The following MAGI3 variants were observed in gnomAD, a reference collection of about 807,000 sequenced individuals.
MAGI3 encodes the protein membrane associated guanylate kinase, WW and PDZ domain containing 3.
Under a neutral mutation model 121.8 loss-of-function variants are expected in MAGI3, and 43 were observed. That is an observed-to-expected ratio of 0.35 (90% CI 0.28 to 0.46). MAGI3 has a LOEUF of 0.46. Ranked by LOEUF, MAGI3 falls within the 20% of genes least tolerant of loss-of-function variation. MAGI3 has a pLI of 1.00. For synonymous variants in MAGI3, 553 were observed against 639.3 expected (o/e 0.86, Z 2.04); for missense variants, 1,547 against 1,797.3 (o/e 0.86, Z 2.52).
rs566553856 is a variant in MAGI3 at position 113,479,369 on chromosome 1, C to T, written c.317-70146C>T. ...GCTGCAGACCAGAGCTGTTCCTATT[C>T]GGCCATCTTGGAATGCCCCTCCCTT... On this transcript the variant is annotated intron_variant, in intron 1 of 20. Coordinates refer to ENST00000307546, the MANE Select transcript of MAGI3 (RefSeq NM_001142782.2). Among the ~76,000 whole-genome samples, 136 of 152,070 alleles carry T rather than the reference C, an allele frequency of 8.9e-4. 1 individual carries two copies. The highest frequency in any genetic ancestry group is 2.4e-3 in the Admixed American group (37 of 15,284).
intron 6 of MAGI3, among the ~76,000 whole-genome samples, chr1:113,605,638 C>T (rs549819614): frequency 7.9e-5 from 12 of 152,164 alleles, no homozygotes; most frequent in African/African-American, 2.9e-4. Context: ...CATGCTCTGT[C>T]GAACAGGCTG....
At chr1:113,416,221 A>G (rs1185397645) in intron 1 of MAGI3, among the ~76,000 whole-genome samples, 2 of 137,470 alleles carry the variant, frequency 1.5e-5, no homozygotes, top group African/African-American at 5.2e-5. Flanking sequence ...TATTATGTGT[A>G]ATTAATGACA....
At chr1:113,483,893 T>TTGTGTG (rs149847532) in intron 1 of MAGI3, among the ~76,000 whole-genome samples, 2 of 149,504 alleles carry the variant, frequency 1.3e-5, no homozygotes, top group East Asian at 2.0e-4. Flanking sequence ...TCTAATGTGA[T>TTGTGTG]TGTGTGTGTG....
At chr1:113,634,987 T>G (rs1163957779) in intron 9 of MAGI3, among the ~76,000 whole-genome samples, 1 of 152,004 alleles carries the variant, frequency 6.6e-6, no homozygotes, top group South Asian at 2.1e-4. Context: ...TTTATTCTCT[T>G]TGAAGCAATT....
chr1:113,503,154 C>G (rs1230407353), intron 1 of MAGI3, among the ~76,000 whole-genome samples: 2 of 69,980 alleles, frequency 2.9e-5, no homozygotes, highest in Non-Finnish European at 5.0e-5. Context: ...ACCAGCATGG[C>G]ACATGTATAC....
chr1:113,576,291 G>A (rs1372642939), intron 2 of MAGI3, among the ~76,000 whole-genome samples: 1 of 152,212 alleles, frequency 6.6e-6, no homozygotes, highest in African/African-American at 2.4e-5. Flanking sequence ...GAAACCCAGG[G>A]CCCTGGTGGT....
intron 1 of MAGI3, among the ~76,000 whole-genome samples, chr1:113,425,273 ATTTTTTTTTTTTTTT>A (rs949045641): frequency 3.5e-5 from 3 of 86,862 alleles, no homozygotes; most frequent in Non-Finnish European, 6.7e-5. Context: ...TACAAATTCA[ATTTTTTTTTTTTTTT>A]TTTTTTTTTT....
At chr1:113,480,645 A>G (rs1050326009) in intron 1 of MAGI3, among the ~76,000 whole-genome samples, 16 of 152,220 alleles carry the variant, frequency 1.1e-4, no homozygotes, top group African/African-American at 3.9e-4. Flanking sequence ...GTAGGAATGA[A>G]TGATACAGGT....
At chr1:113,517,523 G>T (rs1484472926) in intron 1 of MAGI3, among the ~76,000 whole-genome samples, 1 of 151,928 alleles carries the variant, frequency 6.6e-6, no homozygotes, top group Non-Finnish European at 1.5e-5. Context: ...GCACAAAGGT[G>T]CAAAGTACAT....
intron 7 of MAGI3, among the ~76,000 whole-genome samples, chr1:113,614,989 G>T (rs182134224): frequency 6.6e-6 from 1 of 152,124 alleles, no homozygotes; most frequent in East Asian, 1.9e-4. Context: ...AATTATCAAG[G>T]TCATTTCCAA....
At chr1:113,512,011 C>T (rs1657639779) in intron 1 of MAGI3, among the ~76,000 whole-genome samples, 1 of 152,162 alleles carries the variant, frequency 6.6e-6, no homozygotes, top group Non-Finnish European at 1.5e-5. Flanking sequence ...TTCTTTATTT[C>T]TCTTTAAATG....
intron 2 of MAGI3, among the ~76,000 whole-genome samples, chr1:113,574,851 A>G (rs923462802): frequency 3.3e-5 from 5 of 152,126 alleles, no homozygotes; most frequent in African/African-American, 7.2e-5. Flanking sequence ...GCCTTTTCAC[A>G]TAGTCTCATA....
intron 8 of MAGI3, among the ~76,000 whole-genome samples, chr1:113,621,561 A>G (rs1408676702): frequency 2.6e-5 from 4 of 152,166 alleles, no homozygotes; most frequent in African/African-American, 4.8e-5. Flanking sequence ...GAATGAAAAT[A>G]TGTCCACACA....
intron 1 of MAGI3, among the ~76,000 whole-genome samples, chr1:113,533,926 T>G (rs1456253760): frequency 6.6e-6 from 1 of 152,134 alleles, no homozygotes; most frequent in African/African-American, 2.4e-5. Flanking sequence ...TTCTTTTTAA[T>G]TTTTGAGTTT....
chr1:113,597,548 A>G (rs549137435), intron 6 of MAGI3, among the ~76,000 whole-genome samples: 93 of 152,344 alleles, frequency 6.1e-4, no homozygotes, highest in Non-Finnish European at 9.4e-4. Context: ...AGTCAAGAAG[A>G]ACATGAAGAG....
intron 12 of MAGI3, among the ~76,000 whole-genome samples, chr1:113,647,380 A>ACCC (rs1652911192): frequency 6.6e-6 from 1 of 152,196 alleles, no homozygotes; most frequent in Non-Finnish European, 1.5e-5. Flanking sequence ...TGTGTTTTAG[A>ACCC]AAGGTTTTTC....
At chr1:113,614,711 T>C (rs1650354068) in intron 7 of MAGI3, 53 bp downstream of exon 7, 2 of 1,327,684 alleles carry the variant, frequency 1.5e-6, no homozygotes, top group African/African-American at 1.5e-5. Context: ...TTTCAGCATA[T>C]AGCTTTAGAG....
chr1:113,683,479 C>T lies in MAGI3; in HGVS notation c.3911C>T (p.Ala1304Val). The change falls in exon 21 of 21, where the codon GCT (alanine) becomes GTT (valine). Residue 1304 changes from alanine to valine, a missense_variant. Physicochemically the swap from Ala to Val is moderately conservative, Grantham distance 64. Transcript: ENST00000307546. Reference protein sequence around the residue: ...KIEGSKAPSNAEAKLLEGKSR... With the variant: ...KIEGSKAPSNVEAKLLEGKSR... The stretch of plus-strand genomic sequence containing the variant: ...GAAGGAAGCAAAGCTCCATCAAATG[C>T]TGAGGCCAAATTATTAGAGGGTAAG... The T allele has an allele frequency of 6.2e-7, 1 of 1,613,886 alleles. No homozygotes were observed. Among genetic ancestry groups the T allele is most frequent in the Non-Finnish European group, 8.5e-7 (1 of 1,179,872 alleles).
At chr1:113,467,760 C>T (rs995544489) in intron 1 of MAGI3, among the ~76,000 whole-genome samples, 1 of 152,072 alleles carries the variant, frequency 6.6e-6, no homozygotes, top group African/African-American at 2.4e-5. Flanking sequence ...GTCTTGACCT[C>T]CTGGCTTCAA....
Sources: allele counts gnomAD v4.1 joint callset (sites outside exome capture counted in the v4.1 genomes callset), GRCh38; gene constraint gnomAD v4.1.1; transcripts MANE v1.5; gene names NCBI Gene and HGNC (gene_info 2026-07-23, HGNC 2026-07-21).